Variants in STK36 observed in about 807,000 individuals in gnomAD.
The protein encoded by STK36 is serine/threonine-protein kinase 36.
Under a neutral mutation model 142.2 loss-of-function variants are expected in STK36, and 116 were observed. That is an observed-to-expected ratio of 0.82 (90% CI 0.70 to 0.95). STK36 has a LOEUF of 0.95. Among genes scored for constraint, STK36 ranks in the 40% least tolerant of loss-of-function variants. STK36 has a pLI of 0.00. For missense variants in STK36, 1,422 were observed against 1,617.2 expected, an observed-to-expected ratio of 0.88 and a Z score of 2.07; for synonymous variants, 619 against 641.7, an observed-to-expected ratio of 0.96 and a Z score of 0.53.
chr2:218,689,961 G>A lies in STK36; in HGVS notation c.1658+5G>A. 1 of 1,576,424 alleles carries A rather than the reference G, an allele frequency of 6.3e-7. No homozygotes were observed. Among genetic ancestry groups the A allele is most frequent in the Non-Finnish European group, 8.6e-7 (1 of 1,159,028 alleles). On this transcript the variant is annotated splice_donor_5th_base_variant and intron_variant, in intron 13 of 26. Transcript: ENST00000295709. ...GAGGAGCCAGACAAGTGACAGGTAG[G>A]ATAAGAAGTGCTTTTGCATTGTTGG...
rs144654930 is a variant in STK36 at position 218,697,922 on chromosome 2, C to T, written c.2978C>T (p.Ala993Val). Residue 993 changes from alanine (A) to valine (V), a missense_variant, in exon 25 of 27, where the codon GCG becomes GTG. Physicochemically the swap from Ala to Val is moderately conservative, Grantham distance 64 (BLOSUM62 0). Coordinates refer to ENST00000295709, the MANE Select transcript of STK36 (RefSeq NM_015690.5). ...SVCQLLCFPF[A>V]LDMDADLLIG... The stretch of plus-strand genomic sequence containing the variant: ...TGCCAGCTCCTTTGCTTCCCCTTTG[C>T]GCTGGACATGGATGCTGACCTCCTT... 22 of 1,614,044 alleles carry T rather than the reference C, an allele frequency of 1.4e-5. No individual in the cohort carries two copies. Among genetic ancestry groups the T allele is most frequent in the East Asian group, 4.5e-5 (2 of 44,894 alleles).
At chr2:218,696,353 TTC>T (rs2106364956) in intron 21 of STK36, among the ~76,000 whole-genome samples, 172 bp from the exon 22 acceptor site, 1 of 152,292 alleles carries the variant, frequency 6.6e-6, no homozygotes, top group African/African-American at 2.4e-5. Flanking sequence ...TCAGTGACTG[TTC>T]TCTCTTCCCC....
Position 218,685,247 on chromosome 2 carries a change from C to G in STK36, c.1380+19C>G, listed in dbSNP as rs756818754. 6.2e-7 allele frequency: 1 copy of G among 1,614,062 alleles called. No homozygotes were observed. The highest frequency in any genetic ancestry group is 8.5e-7 in the Non-Finnish European group (1 of 1,179,954). On this transcript the variant is annotated intron_variant, in intron 11 of 26. Transcript: ENST00000295709. ...AGGGCAGGTAATGGGGAGAAAGACA[C>G]TGTGGATGGGATCAAGACTGTTTTC...
At chr2:218,679,521 C>A in intron 7 of STK36, 39 bp from the exon 8 acceptor site, 1 of 1,594,940 alleles carries the variant, frequency 6.3e-7, no homozygotes, top group Non-Finnish European at 8.5e-7. Context: ...GGGACTATGG[C>A]CCCCATGATC....
chr2:218,678,469 C>T (rs1216822989), intron 6 of STK36, among the ~76,000 whole-genome samples: 2 of 152,130 alleles, frequency 1.3e-5, no homozygotes, highest in Non-Finnish European at 2.9e-5. Context: ...ATTCATTCTC[C>T]CTATGGGCAG....
intron 16 of STK36, 131 bp downstream of exon 16, chr2:218,692,841 C>T (rs1051745851): frequency 3.1e-6 from 4 of 1,277,180 alleles, no homozygotes; most frequent in Non-Finnish European, 4.2e-6. Flanking sequence ...AACAGATGCT[C>T]CCACCCTGGG....
In STK36 at chr2:218,688,895, G is replaced by A. The variant is rs1015487291; in HGVS notation, c.1560+19G>A. 5.1e-6 allele frequency: 8 copies of A among 1,576,870 alleles called. No homozygotes were observed. In the African/African-American group the frequency reaches 9.7e-5, roughly 19 times the overall value. On this transcript the variant is annotated intron_variant, in intron 12 of 26. Coordinates refer to ENST00000295709, the MANE Select transcript of STK36 (RefSeq NM_015690.5). ...CCAGCAGGTAAGCACCAGGCCAGAAGCCTCTGAAGACTTACAGAGGTTCTT... is the reference window on the plus strand; with the variant it reads ...CCAGCAGGTAAGCACCAGGCCAGAAACCTCTGAAGACTTACAGAGGTTCTT...
rs59610411 is a variant in STK36, at chr2:218,679,427, ACT to A, written c.779-124_779-123del. ...ACCTTTGCCACTTCCCTTACAACCC[ACT>A]CTCTCTCTGTCACTTTTTCAAAATG... On this transcript the variant is annotated intron_variant, in intron 7 of 26. Coordinates refer to ENST00000295709, the MANE Select transcript of STK36 (RefSeq NM_015690.5). 5,432 of 1,305,610 alleles carry A rather than the reference ACT, an allele frequency of 4.2e-3. 179 individuals are homozygous for A. In the African/African-American group the frequency reaches 0.07, roughly 17 times the overall value. The allele number at this position is 1,305,610 out of a possible 1,614,324, so 80.9% of individuals were successfully genotyped here. A position where few individuals can be genotyped will look rare whatever the true frequency, so the allele number is the denominator to read the frequency against.
intron 16 of STK36, 23 bp downstream of exon 16, chr2:218,692,733 C>A: frequency 6.3e-7 from 1 of 1,599,932 alleles, no homozygotes; most frequent in South Asian, 1.1e-5. Context: ...ATTGGTTGTT[C>A]CTCTCATCCT....
chr2:218,686,815 A>G (rs1007896769), intron 11 of STK36, among the ~76,000 whole-genome samples: 3 of 152,220 alleles, frequency 2.0e-5, no homozygotes, highest in Non-Finnish European at 2.9e-5. Context: ...TGGTAAATTT[A>G]TATTTAACAT....
At position 218,673,890 on chromosome 2, in the gene STK36, G is replaced by C. The variant is rs755885461; in HGVS notation, c.237G>C (p.Val79=). Residue 79 remains valine (V), a synonymous_variant, in exon 4 of 27, where the codon GTG becomes GTC. Coordinates refer to ENST00000295709, the MANE Select transcript of STK36 (RefSeq NM_015690.5). ...SFETDKEVVV[V]TDYAEGELFQ... ...CCTTCTCTCTGTAGGTGGTGGTGGT[G>C]ACAGACTATGCTGAGGGAGAGCTCT... The C allele has an allele frequency of 1.9e-6, 3 of 1,614,040 alleles. No homozygotes were observed. The African/African-American group carries it at 4.0e-5, about 22-fold the overall frequency.
intron 13 of STK36, 147 bp from the exon 14 acceptor site, chr2:218,690,303 A>ATG (rs1011857998): frequency 8.6e-6 from 6 of 700,772 alleles, no homozygotes; most frequent in Non-Finnish European, 1.5e-5. Flanking sequence ...TGGAGGGTGT[A>ATG]TGTGTGTGTG....
At chr2:218,690,026 T>C in intron 13 of STK36, 70 bp downstream of exon 13, 1 of 1,400,578 alleles carries the variant, frequency 7.1e-7, no homozygotes, top group Non-Finnish European at 9.9e-7. Flanking sequence ...GCCCTTCCCA[T>C]TTAGGAACAG....
chr2:218,672,118 T>C lies in STK36; in HGVS notation c.-187T>C. The C allele has an allele frequency of 1.1e-6, 1 of 935,058 alleles. No individual in the cohort carries two copies. Among genetic ancestry groups the C allele is most frequent in the Non-Finnish European group, 1.7e-6 (1 of 602,484 alleles). The allele number at this position is 935,058 out of a possible 1,614,324, so 57.9% of individuals were successfully genotyped here. On this transcript the variant is annotated 5_prime_UTR_variant, in exon 1 of 27. The change abolishes an upstream ATG in the 5' untranslated region. Coordinates refer to ENST00000295709, the MANE Select transcript of STK36 (RefSeq NM_015690.5). ...CCTGATGGCCCTGAGGCAGTTCGGA[T>C]GTGTCCCAGGAAGTGCCCATGTGTG...
intron 12 of STK36, 90 bp from the exon 13 acceptor site, chr2:218,689,769 T>A: frequency 1.7e-6 from 2 of 1,155,638 alleles, no homozygotes; most frequent in Non-Finnish European, 2.5e-6. Context: ...TCAACTTGAC[T>A]GGGTCTCTAT....
At chr2:218,699,456 T>G (rs372887830) in intron 26 of STK36, 108 bp downstream of exon 26, 50 of 1,464,616 alleles carry the variant, frequency 3.4e-5, no homozygotes, top group East Asian at 2.3e-4. Flanking sequence ...GAGAAACTTA[T>G]GCCGTGTTTC....
At chr2:218,700,283 A>G (rs1194146654) in intron 26 of STK36, among the ~76,000 whole-genome samples, 1 of 152,140 alleles carries the variant, frequency 6.6e-6, no homozygotes, top group Non-Finnish European at 1.5e-5. Context: ...AGCTCACTGT[A>G]ACCTCTGCCT....
In STK36 at chr2:218,694,299, T is replaced by G. The variant is rs951267310; in HGVS notation, c.2372T>G (p.Phe791Cys). The G allele has an allele frequency of 6.2e-7, 1 of 1,614,058 alleles. No homozygotes were observed. Among genetic ancestry groups the G allele is most frequent in the Non-Finnish European group, 8.5e-7 (1 of 1,180,002 alleles). ...EKLGSDVATL[F>C]THSHVVSLVS... Reference sequence around the variant, plus strand: ...CTAGGCAGTGACGTTGCTACTCTCTTTACCCATTCGCATGTCGTCTCTCTT... The same window carrying G: ...CTAGGCAGTGACGTTGCTACTCTCTGTACCCATTCGCATGTCGTCTCTCTT... Residue 791 changes from phenylalanine (F) to cysteine (C), a missense_variant, in exon 20 of 27, where the codon TTT becomes TGT. This residue lies in a region of STK36 where 962 missense variants were observed against 1,167.5 expected (regional missense o/e 0.82). Transcript: ENST00000295709. This position sits in a 1 kb window ranked among gnomAD's most constrained non-coding sequence, Gnocchi z 4.4.
In STK36 at chr2:218,675,202, A is replaced by T. The variant is rs369436490; in HGVS notation, c.304-141A>T. ...GAGTGATTAAACAAGGGGAACAATA[A>T]CTAAGAAAGAATAGTGTGAAGCTCT... On this transcript the variant is annotated intron_variant, in intron 4 of 26. Coordinates refer to ENST00000295709, the MANE Select transcript of STK36 (RefSeq NM_015690.5). 6.1e-5 allele frequency: 55 copies of T among 896,192 alleles called. No homozygotes were observed. In the South Asian group the frequency reaches 7.7e-4, roughly 12 times the overall value. The allele number at this position is 896,192 out of a possible 1,614,324, so 55.5% of individuals were successfully genotyped here.
Sources: allele counts gnomAD v4.1 joint callset (sites outside exome capture counted in the v4.1 genomes callset), GRCh38; gene constraint gnomAD v4.1.1; regional missense constraint gnomAD v4.1.1; non-coding constraint Gnocchi (gnomAD v3.1); transcripts MANE v1.5; gene names NCBI Gene and HGNC (gene_info 2026-07-23, HGNC 2026-07-21).